Variants in PSD3 observed in about 807,000 individuals in gnomAD.
PSD3 encodes PH and SEC7 domain-containing protein 3.
PSD3 carries 49 observed loss-of-function variants against 105.5 expected under a neutral mutation model. The observed-to-expected ratio is 0.46, with a 90% CI of 0.37 to 0.59. The LOEUF (loss-of-function observed/expected upper bound fraction) is 0.59. Ranked by LOEUF, PSD3 falls within the 20% of genes least tolerant of loss-of-function variation. The pLI, the probability that PSD3 is intolerant of heterozygous loss-of-function variation, is 0.00. For missense variants in PSD3, 1,561 were observed against 1,263.8 expected (o/e 1.24, Z -3.57); for synonymous variants, 557 against 457.8 (o/e 1.22, Z -2.77).
intron 4 of PSD3, chr8:18,849,210 T>G (rs1815364797): frequency 6.6e-6 from 1 of 152,200 alleles, no homozygotes; most frequent in African/African-American, 2.4e-5. Flanking sequence ...GAATTTCCAC[T>G]TACATTGCAA....
At chr8:18,654,635 A>T (rs1209239583) in intron 10 of PSD3, among the ~76,000 whole-genome samples, 1 of 152,206 alleles carries the variant, frequency 6.6e-6, no homozygotes, top group African/African-American at 2.4e-5. Flanking sequence ...TATTTCTCAA[A>T]GTATGTACCC....
chr8:18,782,524 G>A (rs1808737877), intron 8 of PSD3, among the ~76,000 whole-genome samples: 1 of 152,190 alleles, frequency 6.6e-6, no homozygotes, highest in Non-Finnish European at 1.5e-5. Flanking sequence ...TAGTGAAAGG[G>A]ACATCAGGCA....
intron 11 of PSD3, among the ~76,000 whole-genome samples, chr8:18,618,896 G>C (rs1040132874): frequency 6.6e-6 from 1 of 151,942 alleles, no homozygotes; most frequent in Admixed American, 6.6e-5. Flanking sequence ...ATGTTGCTCA[G>C]GCTGTGGTGG....
chr8:19,044,070 C>T (rs1309579763), intron 1 of PSD3, among the ~76,000 whole-genome samples: 2 of 152,200 alleles, frequency 1.3e-5, no homozygotes, highest in East Asian at 3.9e-4. Flanking sequence ...GAGCCACCCA[C>T]CTCAACTCTG....
intron 12 of PSD3, among the ~76,000 whole-genome samples, chr8:18,598,643 T>C (rs1804215353): frequency 6.6e-6 from 1 of 152,076 alleles, no homozygotes; most frequent in Non-Finnish European, 1.5e-5. Flanking sequence ...CAAATGATCT[T>C]ATATGTAGAA....
At chr8:18,683,847 A>C in intron 9 of PSD3, 1 of 765,326 alleles carries the variant, frequency 1.3e-6, no homozygotes, top group Non-Finnish European at 2.4e-6. Flanking sequence ...CTGCCGCCGG[A>C]TAGAATCCTC....
At chr8:18,916,369 C>CAT (rs1820605063) in intron 2 of PSD3, among the ~76,000 whole-genome samples, 2 of 79,686 alleles carry the variant, frequency 2.5e-5, no homozygotes, top group Non-Finnish European at 5.1e-5. Context: ...CACACACACA[C>CAT]ACACACACAA....
intron 2 of PSD3, among the ~76,000 whole-genome samples, chr8:18,883,142 A>AGG (rs1240713319): frequency 6.6e-6 from 1 of 152,210 alleles, no homozygotes; most frequent in Non-Finnish European, 1.5e-5. Flanking sequence ...AGAATCCCAG[A>AGG]GGATTTGTAT....
chr8:18,839,716 T>C (rs6586775), intron 4 of PSD3, among the ~76,000 whole-genome samples: 103,633 of 151,992 alleles, frequency 0.68, 35,625 homozygotes, highest in African/African-American at 0.76. Context: ...CAACTCCACG[T>C]GGAACTCAAG....
chr8:18,722,425 C>T (rs1299023041), intron 9 of PSD3, among the ~76,000 whole-genome samples: 2 of 152,146 alleles, frequency 1.3e-5, no homozygotes, highest in Non-Finnish European at 2.9e-5. Context: ...AAACACTAAT[C>T]ACAGTTGATA....
At chr8:19,075,823 G>C (rs991335774) in intron 1 of PSD3, among the ~76,000 whole-genome samples, 1 of 152,122 alleles carries the variant, frequency 6.6e-6, no homozygotes, top group Non-Finnish European at 1.5e-5. Context: ...ATAGAAAGCA[G>C]AAAAAGAATC....
intron 4 of PSD3, among the ~76,000 whole-genome samples, chr8:18,821,710 CACACACA>C (rs1812729662): frequency 7.0e-6 from 1 of 141,920 alleles, no homozygotes; most frequent in African/African-American, 2.6e-5. Context: ...CACACACACA[CACACACA>C]CCCCAATAAC....
intron 9 of PSD3, among the ~76,000 whole-genome samples, chr8:18,752,566 T>TACATATATA (rs1805645186): frequency 1.3e-5 from 1 of 76,306 alleles, no homozygotes; most frequent in Non-Finnish European, 2.1e-5. Flanking sequence ...TTATATATAT[T>TACATATATA]ATATATATAA....
chr8:19,004,613 A>C (rs1826563795), intron 1 of PSD3, among the ~76,000 whole-genome samples: 1 of 152,122 alleles, frequency 6.6e-6, no homozygotes, highest in South Asian at 2.1e-4. Flanking sequence ...TATAATTTAA[A>C]AACGGTCAAA....
At chr8:18,829,051 C>T (rs938287661) in intron 4 of PSD3, among the ~76,000 whole-genome samples, 8 of 151,804 alleles carry the variant, frequency 5.3e-5, no homozygotes, top group Admixed American at 3.9e-4. Flanking sequence ...CCAGCCTGGG[C>T]GACAGAGTGA....
chr8:18,996,480 A>C (rs572673851), intron 1 of PSD3, among the ~76,000 whole-genome samples: 1 of 152,118 alleles, frequency 6.6e-6, no homozygotes, highest in Admixed American at 6.5e-5. Flanking sequence ...TGGGAAGATA[A>C]GGACTTTATG....
chr8:18,738,001 C>G (rs956897146), intron 9 of PSD3, among the ~76,000 whole-genome samples: 2 of 152,170 alleles, frequency 1.3e-5, no homozygotes, highest in Non-Finnish European at 1.5e-5. Context: ...ATGACACCAA[C>G]TAGAAGCTAT....
Position 18,650,992 on chromosome 8 carries a change from G to C in PSD3, c.2216+4650C>G, listed in dbSNP as rs115202201. On this transcript the variant is annotated intron_variant, in intron 10 of 15. Coordinates refer to ENST00000327040, the MANE Select transcript of PSD3 (RefSeq NM_015310.4). The stretch of plus-strand genomic sequence containing the variant: ...TTGGACCTATTGATGAACACTTCTT[G>C]ACTTAATTTTCCTCATATATAAAGT... Among the ~76,000 whole-genome samples, 649 of 152,244 alleles carry C rather than the reference G, an allele frequency of 4.3e-3. 4 individuals carry two copies. The highest frequency in any genetic ancestry group is 0.015 in the African/African-American group (621 of 41,526).
chr8:18,772,203 A>G, intron 8 of PSD3, among the ~76,000 whole-genome samples: 1 of 152,192 alleles, frequency 6.6e-6, no homozygotes, highest in East Asian at 1.9e-4. Flanking sequence ...GTGGGCAAGT[A>G]TCTCTTCAAA....
Sources: gnomAD v4.1 joint callset for allele counts (sites outside exome capture counted in the v4.1 genomes callset) on GRCh38, gnomAD v4.1.1 for gene constraint, MANE v1.5 for transcripts, NCBI Gene and HGNC (gene_info 2026-07-23, HGNC 2026-07-21) for gene names.